Variants in SLCO1A2 observed in about 807,000 individuals in gnomAD.
SLCO1A2 encodes OATP-1.
Under a neutral mutation model 69.0 loss-of-function variants are expected in SLCO1A2, and 67 were observed. The ratio of observed to expected loss-of-function variants is 0.97; its 90% confidence interval spans 0.80 to 1.19. SLCO1A2 has a LOEUF of 1.19. SLCO1A2 is among the 50% of genes most tolerant of loss of function. The probability of loss-of-function intolerance (pLI) is 0.00; values close to 1 mark genes in which losing one functional copy is unlikely to be tolerated. For synonymous variants in SLCO1A2, 260 were observed against 265.9 expected, an observed-to-expected ratio of 0.98 and a Z score of 0.22; for missense variants, 787 against 793.7, an observed-to-expected ratio of 0.99 and a Z score of 0.10.
At chr12:21,392,149 G>C (rs1309943317) in intron 1 of SLCO1A2, among the ~76,000 whole-genome samples, 1 of 152,154 alleles carries the variant, frequency 6.6e-6, no homozygotes, top group East Asian at 1.9e-4. Context: ...CAGTATCTTT[G>C]GTGGGGTAAA....
At chr12:21,307,605 C>A (rs968081205) in intron 4 of SLCO1A2, among the ~76,000 whole-genome samples, 1 of 152,062 alleles carries the variant, frequency 6.6e-6, no homozygotes, top group Admixed American at 6.6e-5. Context: ...AAACTATGAC[C>A]ATTTAATTTA....
chr12:21,325,507 A>C (rs1287540229), intron 2 of SLCO1A2, among the ~76,000 whole-genome samples: 1 of 152,082 alleles, frequency 6.6e-6, no homozygotes. Context: ...CTCTTTTTTC[A>C]ATCTTCATCT....
chr12:21,312,798 G>C (rs1203900419), intron 4 of SLCO1A2, among the ~76,000 whole-genome samples: 2 of 152,138 alleles, frequency 1.3e-5, no homozygotes, highest in African/African-American at 4.8e-5. Flanking sequence ...CTTAAGACCA[G>C]CACGGTGGCT....
intron 6 of SLCO1A2, among the ~76,000 whole-genome samples, chr12:21,303,217 C>T (rs11045957): frequency 0.091 from 13,810 of 152,068 alleles, 872 homozygotes; most frequent in Non-Finnish European, 0.13. Context: ...ACATCATCCT[C>T]ATTTTAATAT....
chr12:21,321,370 G>C (rs11045971), intron 2 of SLCO1A2, among the ~76,000 whole-genome samples: 5,909 of 152,170 alleles, frequency 0.039, 464 homozygotes, highest in East Asian at 0.35. Context: ...GAACAGTTTA[G>C]CTCAGACAAT....
chr12:21,290,944 AATC>A (rs1946752775), intron 12 of SLCO1A2, among the ~76,000 whole-genome samples: 1 of 152,202 alleles, frequency 6.6e-6, no homozygotes, highest in Admixed American at 6.5e-5. Context: ...TTTACATAGT[AATC>A]ATCAAATTCA....
intron 1 of SLCO1A2, chr12:21,376,216 G>T (rs17680787): frequency 0.19 from 31,325 of 161,134 alleles, 3,255 homozygotes; most frequent in African/African-American, 0.27. Context: ...AGCATATAAA[G>T]TATTTCACAC....
intron 2 of SLCO1A2, among the ~76,000 whole-genome samples, chr12:21,332,636 T>G (rs1952685798): frequency 6.6e-6 from 1 of 152,058 alleles, no homozygotes; most frequent in African/African-American, 2.4e-5. Context: ...GTGGGAGGGT[T>G]GAATTTTATT....
At position 21,349,580 on chromosome 12, in the gene SLCO1A2, C is replaced by G. The variant is rs116768534; in HGVS notation, c.-62-14871G>C. Among the ~76,000 whole-genome samples the G allele has an allele frequency of 3.4e-3, 513 of 152,250 alleles. 2 individuals are homozygous for G. The highest frequency in any genetic ancestry group is 0.01 in the African/African-American group (429 of 41,546). ...GAATTATCTTCTTAAAATGAAACAT[C>G]TAACCCTCAAAATGAAGTCCTCAAT... is the stretch of plus-strand genomic sequence containing the variant. On this transcript the variant is annotated intron_variant, in intron 2 of 15. Coordinates refer to the SLCO1A2 transcript ENST00000307378.
At chr12:21,334,503 T>C in intron 2 of SLCO1A2, 85 bp downstream of exon 2, 1 of 940,070 alleles carries the variant, frequency 1.1e-6, no homozygotes. Flanking sequence ...GATCACTTCA[T>C]GCAGATAGGA....
intron 12 of SLCO1A2, among the ~76,000 whole-genome samples, chr12:21,288,550 G>C (rs943303206): frequency 6.6e-6 from 1 of 152,122 alleles, no homozygotes; most frequent in Non-Finnish European, 1.5e-5. Flanking sequence ...AGTAGAGATA[G>C]TTAATAGGTA....
chr12:21,407,411 T>C (rs1177175742), intron 1 of SLCO1A2, among the ~76,000 whole-genome samples: 7 of 152,190 alleles, frequency 4.6e-5, no homozygotes, highest in Non-Finnish European at 1.0e-4. Context: ...TACTGCACTA[T>C]GCCCAGCAAG....
rs868335555 is a variant in SLCO1A2, at chr12:21,279,336, G to C, written c.1611-3912C>G. On this transcript the variant is annotated intron_variant, in intron 12 of 14. Transcript: ENST00000683939. ...GAGAACTTCCCAAACCTAGAGAAAG[G>C]TATTGATTCCAAGTGCAAGAAGGTT... is the stretch of plus-strand genomic sequence containing the variant. Among the ~76,000 whole-genome samples, 3 of 152,194 alleles carry C rather than the reference G, an allele frequency of 2.0e-5. No homozygotes were observed. The South Asian group carries it at 6.2e-4, about 32-fold the overall frequency.
At chr12:21,337,588 T>G (rs1360839598), upstream of SLCO1A2, among the ~76,000 whole-genome samples, 1 of 151,922 alleles carries the variant, frequency 6.6e-6, no homozygotes, top group Non-Finnish European at 1.5e-5. Flanking sequence ...TTCCAGGATC[T>G]TGAAATGGCT....
chr12:21,329,313 C>A (rs1952455270), intron 2 of SLCO1A2, among the ~76,000 whole-genome samples: 1 of 152,020 alleles, frequency 6.6e-6, no homozygotes, highest in South Asian at 2.1e-4. Context: ...TCTTGGTAAC[C>A]ACAGCTCTCA....
In SLCO1A2 at chr12:21,266,699, G is replaced by A. The variant is rs1041810407; in HGVS notation, c.*2849C>T. Reference sequence around the variant, plus strand: ...AGGGTGTGTATATTCTGAGGTCTTCGAGCATCTCCCCAATAATGTGGAGAT... The same window carrying A: ...AGGGTGTGTATATTCTGAGGTCTTCAAGCATCTCCCCAATAATGTGGAGAT... On this transcript the variant is annotated 3_prime_UTR_variant, in exon 15 of 15. Coordinates refer to ENST00000683939, the MANE Select transcript of SLCO1A2 (RefSeq NM_001386879.1). 1.3e-5 allele frequency: 2 copies of A among 151,736 alleles called. No individual in the cohort carries two copies. The highest frequency in any genetic ancestry group is 2.1e-4 in the South Asian group (1 of 4,808). The allele number at this position is 151,736 out of a possible 1,614,324, so 9.4% of individuals were successfully genotyped here. A position where few individuals can be genotyped will look rare whatever the true frequency, so the allele number is the denominator to read the frequency against.
chr12:21,386,838 G>A (rs1940908004), intron 1 of SLCO1A2, among the ~76,000 whole-genome samples: 1 of 152,080 alleles, frequency 6.6e-6, no homozygotes, highest in African/African-American at 2.4e-5. Flanking sequence ...AGAGAAGACA[G>A]GAAAATGTGA....
chr12:21,327,798 T>C lies in SLCO1A2; in HGVS notation c.60+6790A>G, dbSNP rs141386351. Among the ~76,000 whole-genome samples the C allele has an allele frequency of 3.8e-3, 581 of 152,196 alleles. 7 individuals carry two copies. Among genetic ancestry groups the C allele is most frequent in the African/African-American group, 0.013 (550 of 41,542 alleles). On this transcript the variant is annotated intron_variant, in intron 2 of 14. Coordinates refer to ENST00000683939, the MANE Select transcript of SLCO1A2 (RefSeq NM_001386879.1). ...TTTGATGGCTCCTAAGTTAGGACTT[T>C]TGGGTTAATACTGAAATGAGTTAAG...
At chr12:21,328,086 T>C (rs967335814) in intron 2 of SLCO1A2, among the ~76,000 whole-genome samples, 1 of 152,190 alleles carries the variant, frequency 6.6e-6, no homozygotes, top group African/African-American at 2.4e-5. Flanking sequence ...GCAGTTCCCC[T>C]GCACATGCTC....
Sources: allele counts gnomAD v4.1 joint callset (sites outside exome capture counted in the v4.1 genomes callset), GRCh38; gene constraint gnomAD v4.1.1; transcripts MANE v1.5; gene names NCBI Gene and HGNC (gene_info 2026-07-23, HGNC 2026-07-21).